CLNK: variants seen among roughly 807,000 people sequenced by gnomAD.
CLNK encodes cytokine-dependent hematopoietic cell linker.
Under a neutral mutation model 68.6 loss-of-function variants are expected in CLNK, and 74 were observed. The observed-to-expected ratio is 1.08, with a 90% CI of 0.89 to 1.31. The LOEUF is 1.31. Ranked by LOEUF, CLNK falls within the 50% of genes most tolerant of loss-of-function variation. CLNK has a pLI of 0.00. For missense variants in CLNK, 553 were observed against 515.3 expected, an observed-to-expected ratio of 1.07 and a Z score of -0.71; for synonymous variants, 198 against 172.2, an observed-to-expected ratio of 1.15 and a Z score of -1.17.
At chr4:10,502,168 C>T (rs897558890) in intron 17 of CLNK, among the ~76,000 whole-genome samples, 1 of 152,136 alleles carries the variant, frequency 6.6e-6, no homozygotes, top group Non-Finnish European at 1.5e-5. Context: ...TAAAGAAATA[C>T]CTGAGACTGG....
intron 11 of CLNK, 111 bp downstream of exon 11, chr4:10,540,383 C>T (rs982453499): frequency 1.3e-6 from 1 of 751,540 alleles, no homozygotes; most frequent in Non-Finnish European, 2.4e-6. Context: ...AATACACTCC[C>T]CACCCATTAG....
At chr4:10,652,174 A>G (rs1435915618) in intron 2 of CLNK, among the ~76,000 whole-genome samples, 1 of 151,948 alleles carries the variant, frequency 6.6e-6, no homozygotes, top group Non-Finnish European at 1.5e-5. Flanking sequence ...TGAGGTTAGG[A>G]GTTTGAGGCC....
rs770516563 is a variant in CLNK, at chr4:10,490,483, T to C, written c.1271A>G (p.His424Arg). 4 of 1,613,322 alleles carry C rather than the reference T, an allele frequency of 2.5e-6. No individual in the cohort carries two copies. The highest frequency in any genetic ancestry group is 1.7e-5 in the Admixed American group (1 of 59,958). ...AAGACCAGGCTACAGAGGCAAGAGG[T>C]GTCTGGTGAGAGGGAGTGGCTGAGT... The part of the protein sequence containing the change: ...HLTQPLPLTR[H>R]LLPL Residue 424 changes from histidine (H) to arginine (R), a missense_variant, in exon 19 of 19, where the codon CAC (histidine) becomes CGC (arginine). By Grantham distance (29) the His-to-Arg change is conservative (BLOSUM62 0). Transcript: ENST00000226951.
chr4:10,630,845 C>A (rs1722860785), intron 2 of CLNK, among the ~76,000 whole-genome samples: 1 of 152,168 alleles, frequency 6.6e-6, no homozygotes, highest in Non-Finnish European at 1.5e-5. Context: ...TGTCCATCTG[C>A]TTGTAGCAGG....
the CLNK span, among the ~76,000 whole-genome samples, chr4:10,733,570 T>C: frequency 5.3e-5 from 8 of 152,244 alleles, no homozygotes; most frequent in African/African-American, 9.6e-5. Context: ...CAGTGAATGA[T>C]AGCACATTGC....
At chr4:10,642,999 C>A (rs116474144) in intron 2 of CLNK, among the ~76,000 whole-genome samples, 1,711 of 152,230 alleles carry the variant, frequency 0.011, 18 homozygotes, top group Non-Finnish European at 0.019. Flanking sequence ...GCTATATATA[C>A]GCACACATAC....
At position 10,501,285 on chromosome 4, in the gene CLNK, C is replaced by A. The variant is rs185631208; in HGVS notation, c.1111G>T (p.Ala371Ser). ...IRFLERNQQF[A>S]LGTGLRGDEK... ...TCTCCTCTGAGTCCTGTCCCCAGGG[C>A]AAACTGCTGATTCCTCTCCAGGAAG... Residue 371 changes from alanine (A) to serine (S), a missense_variant, in exon 18 of 19, where the codon GCC (alanine) becomes TCC (serine). Coordinates refer to ENST00000226951, the MANE Select transcript of CLNK (RefSeq NM_052964.4). The A allele has an allele frequency of 1.6e-5, 26 of 1,601,620 alleles. No homozygotes were observed. The highest frequency in any genetic ancestry group is 5.4e-5 in the African/African-American group (4 of 74,114).
the CLNK span, among the ~76,000 whole-genome samples, chr4:10,728,540 G>A: frequency 2.0e-5 from 3 of 151,244 alleles, no homozygotes; most frequent in Non-Finnish European, 4.4e-5. Context: ...CTGCAGGTTT[G>A]CCATCACCTC....
intron 2 of CLNK, among the ~76,000 whole-genome samples, chr4:10,647,128 T>C (rs543738093): frequency 6.6e-6 from 1 of 152,198 alleles, no homozygotes; most frequent in South Asian, 2.1e-4. Context: ...TAACCCCTAC[T>C]AAGTGGGTCC....
chr4:10,700,621 A>G, the CLNK span, among the ~76,000 whole-genome samples: 7 of 152,168 alleles, frequency 4.6e-5, no homozygotes, highest in Admixed American at 3.3e-4. Flanking sequence ...TGCAGCTCAA[A>G]TGCAGTGGTC....
intron 2 of CLNK, among the ~76,000 whole-genome samples, chr4:10,610,922 G>A (rs1419488984): frequency 6.6e-6 from 1 of 152,110 alleles, no homozygotes; most frequent in Non-Finnish European, 1.5e-5. Flanking sequence ...GGTGGTTCAC[G>A]TCTGTAATCC....
intron 8 of CLNK, among the ~76,000 whole-genome samples, chr4:10,548,642 C>G (rs1385556996): frequency 6.6e-6 from 1 of 152,142 alleles, no homozygotes; most frequent in African/African-American, 2.4e-5. Context: ...TTTGGGTATA[C>G]CCCAAGTTGA....
At chr4:10,522,322 C>G (rs950223562) in intron 14 of CLNK, among the ~76,000 whole-genome samples, 21 of 149,976 alleles carry the variant, frequency 1.4e-4, no homozygotes, top group Non-Finnish European at 3.0e-4. Flanking sequence ...ACCTGTAATC[C>G]CAACACTTTG....
In CLNK at chr4:10,525,853, A is replaced by T; in HGVS notation, c.719T>A (p.Leu240His). 6.3e-7 allele frequency: 1 copy of T among 1,581,006 alleles called. No individual in the cohort carries two copies. ...LENQNTQEIP[L>H]AISSSSFTTS... ...CCTGGCTCCTTACCTGCTAATGGCA[A>T]GTGGAATCTCTTGAGTATTTTGGTT... The change falls in exon 14 of 19, where the codon CTT (leucine) becomes CAT (histidine). Residue 240 changes from leucine to histidine, a missense_variant. Physicochemically the swap from Leu to His is moderately conservative, Grantham distance 99 (BLOSUM62 -3). Coordinates refer to ENST00000226951, the MANE Select transcript of CLNK (RefSeq NM_052964.4).
intron 2 of CLNK, among the ~76,000 whole-genome samples, chr4:10,658,663 G>A (rs535100350): frequency 3.3e-5 from 5 of 152,294 alleles, no homozygotes; most frequent in African/African-American, 1.2e-4. Flanking sequence ...AGCGGCCATA[G>A]CATATGACTT....
chr4:10,730,655 G>GA, the CLNK span, among the ~76,000 whole-genome samples: 2 of 151,842 alleles, frequency 1.3e-5, no homozygotes, highest in Admixed American at 1.3e-4. Flanking sequence ...AGATCAAAGG[G>GA]AAAAAACCCA....
chr4:10,724,586 A>C, the CLNK span, among the ~76,000 whole-genome samples: 1 of 152,030 alleles, frequency 6.6e-6, no homozygotes, highest in Admixed American at 6.6e-5. Flanking sequence ...AATGGACAGC[A>C]ACCCTGTATG....
chr4:10,541,972 A>T, intron 10 of CLNK, 50 bp downstream of exon 10: 1 of 1,366,286 alleles, frequency 7.3e-7, no homozygotes, highest in Non-Finnish European at 1.0e-6. Flanking sequence ...ATGCTGGCAC[A>T]AATTATTTCA....
chr4:10,671,693 A>G (rs1724648683), intron 1 of CLNK, among the ~76,000 whole-genome samples: 1 of 152,210 alleles, frequency 6.6e-6, no homozygotes, highest in Non-Finnish European at 1.5e-5. Context: ...AAGGCAGTGA[A>G]CACAGATCAC....
Sources: gnomAD v4.1 joint callset for allele counts (sites outside exome capture counted in the v4.1 genomes callset) on GRCh38, gnomAD v4.1.1 for gene constraint, MANE v1.5 for transcripts, NCBI Gene and HGNC (gene_info 2026-07-23, HGNC 2026-07-21) for gene names.